TLK2: variants seen among roughly 807,000 people sequenced by gnomAD.
TLK2 encodes tousled like kinase 2, also known as serine/threonine-protein kinase tousled-like 2.
In TLK2, 6 loss-of-function variants were observed where a neutral mutation model predicts 117.3. The ratio of observed to expected loss-of-function variants is 0.05; its 90% confidence interval spans 0.03 to 0.10. TLK2 has a LOEUF of 0.10. Among genes scored for constraint, TLK2 ranks in the 10% least tolerant of loss-of-function variants. The pLI, the probability that TLK2 is intolerant of heterozygous loss-of-function variation, is 1.00. For synonymous variants in TLK2, 257 were observed against 316.7 expected (o/e 0.81, Z 2.00); for missense variants, 299 against 901.2 (o/e 0.33, Z 8.56).
At chr17:62,602,573 T>C (rs1403521499) in intron 19 of TLK2, among the ~76,000 whole-genome samples, 1 of 152,158 alleles carries the variant, frequency 6.6e-6, no homozygotes, top group African/African-American at 2.4e-5. Flanking sequence ...GGGATTTGTC[T>C]CAAGAGTTGC....
chr17:62,516,225 C>T, intron 2 of TLK2: 1 of 744,122 alleles, frequency 1.3e-6, no homozygotes, highest in Non-Finnish European at 2.3e-6. Flanking sequence ...GCGCCCGGCT[C>T]TCCCTGTTTT....
In TLK2 at chr17:62,615,176, T is replaced by G. The variant is rs2084035618; in HGVS notation, c.*2611T>G. On this transcript the variant is annotated 3_prime_UTR_variant, in exon 22 of 22. Coordinates refer to ENST00000346027, the MANE Select transcript of TLK2 (RefSeq NM_006852.6). ...CTGTTTGGAGCTAACTAGGCTTGGC[T>G]GAGTCCGGGCAAGACCTTCTTCCGA... 6.6e-6 allele frequency: 1 copy of G among 152,180 alleles called. No homozygotes were observed. Among genetic ancestry groups the G allele is most frequent in the Non-Finnish European group, 1.5e-5 (1 of 68,046 alleles). 9.4% of individuals were successfully genotyped at this position (152,180 alleles called of 1,614,324 possible).
chr17:62,545,464 T>C (rs1385413085), intron 7 of TLK2, among the ~76,000 whole-genome samples: 1 of 152,026 alleles, frequency 6.6e-6, no homozygotes, highest in Non-Finnish European at 1.5e-5. Flanking sequence ...AAATAAATAT[T>C]ACATTAGCCA....
At chr17:62,590,260 C>T (rs567276518) in intron 16 of TLK2, among the ~76,000 whole-genome samples, 3 of 151,424 alleles carry the variant, frequency 2.0e-5, no homozygotes, top group East Asian at 2.0e-4. Flanking sequence ...GGTGAAACCC[C>T]GTCTCTACTA....
rs765006741 is a variant in TLK2 at position 62,522,235 on chromosome 17, A to G, written c.185A>G (p.Asn62Ser). ...TPEKKQNDQR[N>S]RKRKAEPYET... The stretch of plus-strand genomic sequence containing the variant: ...GAGAAAAAGCAGAATGACCAGCGAA[A>G]TCGGAAAAGAAAAGCTGAACCATAT... Residue 62 changes from asparagine (N) to serine (S), a missense_variant, in exon 4 of 22, where the codon AAT (asparagine) becomes AGT (serine). Coordinates refer to ENST00000346027, the MANE Select transcript of TLK2 (RefSeq NM_006852.6). 1.3e-5 allele frequency: 21 copies of G among 1,613,538 alleles called. No individual in the cohort carries two copies. The Admixed American group carries it at 2.2e-4, about 17-fold the overall frequency.
chr17:62,576,279 TG>T (rs1488292449), intron 12 of TLK2, among the ~76,000 whole-genome samples: 3 of 152,206 alleles, frequency 2.0e-5, no homozygotes, highest in Non-Finnish European at 4.4e-5. Flanking sequence ...TCTAATTTGC[TG>T]CTATATCTTT....
intron 1 of TLK2, among the ~76,000 whole-genome samples, chr17:62,473,386 G>C (rs1474077655): frequency 6.6e-6 from 1 of 152,156 alleles, no homozygotes; most frequent in Non-Finnish European, 1.5e-5. Context: ...ATTCAGAAAG[G>C]CTCCCAGAGA....
At chr17:62,535,778 AAAAAAAG>A (rs544095968) in intron 6 of TLK2, among the ~76,000 whole-genome samples, 2,724 of 151,456 alleles carry the variant, frequency 0.018, 42 homozygotes, top group Non-Finnish European at 0.026. Context: ...CCATCTCAAA[AAAAAAAG>A]AAAAAAGAAA....
At chr17:62,604,335 A>G (rs1367086071) in intron 19 of TLK2, among the ~76,000 whole-genome samples, 1 of 152,104 alleles carries the variant, frequency 6.6e-6, no homozygotes, top group Non-Finnish European at 1.5e-5. Flanking sequence ...AGTGACCCAT[A>G]GACTATGCCT....
intron 4 of TLK2, among the ~76,000 whole-genome samples, chr17:62,522,489 G>T (rs1412263013): frequency 6.6e-6 from 1 of 152,196 alleles, no homozygotes; most frequent in African/African-American, 2.4e-5. Flanking sequence ...TGTTTTCCCT[G>T]TTGTAAGCTA....
intron 20 of TLK2, among the ~76,000 whole-genome samples, chr17:62,606,612 T>C (rs1211961274): frequency 6.6e-6 from 1 of 152,148 alleles, no homozygotes; most frequent in Non-Finnish European, 1.5e-5. Flanking sequence ...ACTCAAAATA[T>C]CCCCAGAATC....
chr17:62,488,821 T>A (rs1489440359), intron 2 of TLK2, among the ~76,000 whole-genome samples: 2 of 51,728 alleles, frequency 3.9e-5, no homozygotes, highest in African/African-American at 1.4e-4. Flanking sequence ...GCCTTGAAGA[T>A]TTTTTTTTTT....
chr17:62,485,805 G>C (rs191919423), intron 2 of TLK2, among the ~76,000 whole-genome samples: 63 of 145,698 alleles, frequency 4.3e-4, no homozygotes, highest in African/African-American at 1.6e-3. Flanking sequence ...TGTGAACCTA[G>C]TAATTTTCTG....
chr17:62,596,347 T>TA (rs1332224207), intron 16 of TLK2, among the ~76,000 whole-genome samples: 1 of 152,124 alleles, frequency 6.6e-6, no homozygotes, highest in Non-Finnish European at 1.5e-5. Context: ...GTGCTGGGAT[T>TA]ACAGGCGTGA....
chr17:62,522,302 A>C, intron 4 of TLK2, 29 bp downstream of exon 4: 1 of 1,600,160 alleles, frequency 6.2e-7, no homozygotes, highest in Non-Finnish European at 8.5e-7. Context: ...CAACAAAAGT[A>C]CTCAATTCTA....
chr17:62,547,309 G>T (rs1272136011), intron 7 of TLK2, among the ~76,000 whole-genome samples: 1 of 151,076 alleles, frequency 6.6e-6, no homozygotes, highest in Non-Finnish European at 1.5e-5. Flanking sequence ...TGGAATGAGG[G>T]ATTAGAGTGA....
At position 62,573,192 on chromosome 17, in the gene TLK2, TACA is replaced by T. The variant is rs1486952439; in HGVS notation, c.969-20_969-18del. The T allele has an allele frequency of 1.3e-6, 2 of 1,599,914 alleles. No individual in the cohort carries two copies. Among genetic ancestry groups the T allele is most frequent in the Non-Finnish European group, 1.7e-6 (2 of 1,173,178 alleles). On this transcript the variant is annotated intron_variant, in intron 11 of 21. Coordinates refer to ENST00000346027, the MANE Select transcript of TLK2 (RefSeq NM_006852.6). The stretch of plus-strand genomic sequence containing the variant: ...TAAAACTTTTGACTTTCTTTCTTTG[TACA>T]ACGTCTTTTATATCTCTAGGCAACA...
intron 2 of TLK2, among the ~76,000 whole-genome samples, chr17:62,481,837 A>G (rs1395787644): frequency 6.6e-6 from 1 of 152,184 alleles, no homozygotes; most frequent in Non-Finnish European, 1.5e-5. Flanking sequence ...AATGTGTAAA[A>G]TGTTTGATTT....
intron 9 of TLK2, among the ~76,000 whole-genome samples, chr17:62,556,417 T>C (rs913893527): frequency 6.6e-6 from 1 of 152,172 alleles, no homozygotes; most frequent in African/African-American, 2.4e-5. Flanking sequence ...CATTTTTAAG[T>C]GATTATTTTT....
Sources: allele counts gnomAD v4.1 joint callset (sites outside exome capture counted in the v4.1 genomes callset), GRCh38; gene constraint gnomAD v4.1.1; transcripts MANE v1.5; gene names NCBI Gene and HGNC (gene_info 2026-07-23, HGNC 2026-07-21).